MEIKIN: variants seen among roughly 807,000 people sequenced by gnomAD.
The protein encoded by MEIKIN is meiotic kinetochore factor, also known as meiosis-specific kinetochore protein.
intron 12 of MEIKIN, among the ~76,000 whole-genome samples, chr5:131,809,567 G>A (rs1420972795): frequency 6.6e-6 from 1 of 152,182 alleles, no homozygotes. Context: ...CCAGCACTTT[G>A]GGAGGCTGAG....
chr5:131,839,826 T>A (rs918007352), intron 11 of MEIKIN, among the ~76,000 whole-genome samples: 3 of 152,204 alleles, frequency 2.0e-5, no homozygotes, highest in Non-Finnish European at 1.5e-5. Flanking sequence ...TGCCTTTTAA[T>A]TGAGGCAGTT....
At chr5:131,849,801 A>G (rs1045630017) in intron 11 of MEIKIN, among the ~76,000 whole-genome samples, 1 of 151,932 alleles carries the variant, frequency 6.6e-6, no homozygotes, top group Admixed American at 6.6e-5. Flanking sequence ...TTTTCAACAT[A>G]CTACTGATAG....
At chr5:131,862,655 T>A (rs556293375) in intron 9 of MEIKIN, among the ~76,000 whole-genome samples, 31 of 152,304 alleles carry the variant, frequency 2.0e-4, no homozygotes, top group African/African-American at 7.2e-4. Context: ...TTTATGATAT[T>A]CCATACGTTT....
chr5:131,817,727 A>G (rs767176689), intron 12 of MEIKIN, among the ~76,000 whole-genome samples: 90 of 152,218 alleles, frequency 5.9e-4, no homozygotes, highest in Non-Finnish European at 1.2e-3. Context: ...TGAATTGAGT[A>G]TTCAAGGAAC....
At chr5:131,885,000 C>G (rs913350507) in intron 8 of MEIKIN, among the ~76,000 whole-genome samples, 3 of 152,160 alleles carry the variant, frequency 2.0e-5, no homozygotes, top group Admixed American at 1.3e-4. Context: ...TGAGTGCCAG[C>G]TCAGCCACAG....
At chr5:131,881,441 G>A (rs533574327) in intron 8 of MEIKIN, among the ~76,000 whole-genome samples, 5 of 152,088 alleles carry the variant, frequency 3.3e-5, no homozygotes, top group Admixed American at 1.3e-4. Context: ...CTAAATGTTG[G>A]AGTGTCCCAT....
chr5:131,842,524 T>C (rs1396606297), intron 11 of MEIKIN, among the ~76,000 whole-genome samples: 1 of 152,220 alleles, frequency 6.6e-6, no homozygotes, highest in Non-Finnish European at 1.5e-5. Context: ...TTGGATTTTG[T>C]CAATGGTTTT....
At chr5:131,828,094 C>T (rs1226434288) in intron 11 of MEIKIN, among the ~76,000 whole-genome samples, 2 of 151,764 alleles carry the variant, frequency 1.3e-5, no homozygotes, top group East Asian at 3.9e-4. Context: ...AGTGAAGTAC[C>T]CAGAGAACAA....
intron 3 of MEIKIN, among the ~76,000 whole-genome samples, chr5:131,943,951 A>T (rs565153299): frequency 5.1e-4 from 77 of 152,092 alleles, no homozygotes; most frequent in Middle Eastern, 3.4e-3. Flanking sequence ...AACCCCCTCT[A>T]TACAAAAATT....
chr5:131,889,536 G>A (rs1158831432), intron 8 of MEIKIN, among the ~76,000 whole-genome samples: 1 of 152,186 alleles, frequency 6.6e-6, no homozygotes, highest in Non-Finnish European at 1.5e-5. Flanking sequence ...GTATAAGAAT[G>A]CTTGTGATTT....
Position 131,886,801 on chromosome 5 carries a change from CTTTA to C in MEIKIN, c.704-7757_704-7754del, listed in dbSNP as rs776557456. On this transcript the variant is annotated intron_variant, in intron 8 of 12. Coordinates refer to ENST00000442687, the MANE Select transcript of MEIKIN (RefSeq NM_001303622.2). ...TGTGGTGTGTAAACTACTCTTATCT[CTTTA>C]TTTTTTATTTTTTTATTATACTTTA... 2.6e-5 allele frequency among the ~76,000 whole-genome samples: 4 copies of C among 151,972 alleles called. No individual in the cohort carries two copies. In the South Asian group the frequency reaches 6.2e-4, roughly 24 times the overall value.
intron 11 of MEIKIN, among the ~76,000 whole-genome samples, chr5:131,825,365 G>C (rs1749593455): frequency 6.6e-6 from 1 of 152,176 alleles, no homozygotes; most frequent in Non-Finnish European, 1.5e-5. Context: ...ATTCAGAAAA[G>C]CTGTTATACT....
At chr5:131,853,208 A>C (rs992489092) in intron 10 of MEIKIN, among the ~76,000 whole-genome samples, 1 of 152,224 alleles carries the variant, frequency 6.6e-6, no homozygotes, top group African/African-American at 2.4e-5. Flanking sequence ...TAACTACTGC[A>C]CTATAAAAGC....
chr5:131,862,867 T>G (rs1471340113), intron 9 of MEIKIN, among the ~76,000 whole-genome samples: 1 of 152,154 alleles, frequency 6.6e-6, no homozygotes, highest in African/African-American at 2.4e-5. Context: ...TGACTAAGTT[T>G]TAAAATTTTT....
chr5:131,837,994 G>C (rs1220286872), intron 11 of MEIKIN, among the ~76,000 whole-genome samples: 1 of 151,912 alleles, frequency 6.6e-6, no homozygotes, highest in African/African-American at 2.4e-5. Context: ...GTTGGCTGTG[G>C]GTTTGTCTTG....
intron 5 of MEIKIN, among the ~76,000 whole-genome samples, chr5:131,927,234 G>C (rs1751601814): frequency 6.6e-6 from 1 of 152,032 alleles, no homozygotes; most frequent in South Asian, 2.1e-4. Flanking sequence ...TGACTCACTG[G>C]TTATTCAAGA....
intron 11 of MEIKIN, among the ~76,000 whole-genome samples, chr5:131,826,000 A>G (rs1258647223): frequency 2.0e-5 from 3 of 152,178 alleles, no homozygotes; most frequent in Admixed American, 6.5e-5. Flanking sequence ...AAGGCAAATT[A>G]AAGGCATTTT....
At chr5:131,808,734 T>C (rs893032790) in intron 12 of MEIKIN, among the ~76,000 whole-genome samples, 4 of 152,200 alleles carry the variant, frequency 2.6e-5, no homozygotes, top group African/African-American at 9.6e-5. Context: ...TAGGGTCATT[T>C]CTTTTTCTCA....
intron 9 of MEIKIN, among the ~76,000 whole-genome samples, chr5:131,872,102 C>A (rs988622568): frequency 3.7e-4 from 56 of 150,856 alleles, no homozygotes; most frequent in Non-Finnish European, 6.4e-4. Flanking sequence ...TCTCCTCCTC[C>A]AAAGGAATGC....
Sources: gnomAD v4.1 joint callset for allele counts (sites outside exome capture counted in the v4.1 genomes callset) on GRCh38, gnomAD v4.1.1 for gene constraint, MANE v1.5 for transcripts, NCBI Gene and HGNC (gene_info 2026-07-23, HGNC 2026-07-21) for gene names.